Variants in DEUP1 observed in about 807,000 individuals in gnomAD.
DEUP1 encodes the protein deuterosome assembly protein 1.
Under a neutral mutation model 87.4 loss-of-function variants are expected in DEUP1, and 82 were observed. That is an observed-to-expected ratio of 0.94 (90% CI 0.78 to 1.13). DEUP1 has a LOEUF of 1.13. Among genes scored for constraint, DEUP1 ranks in the 50% most tolerant of loss-of-function variants. The pLI, the probability that DEUP1 is intolerant of heterozygous loss-of-function variation, is 0.00. For missense variants in DEUP1, 663 were observed against 681.5 expected, an observed-to-expected ratio of 0.97 and a Z score of 0.30; for synonymous variants, 214 against 222.7, an observed-to-expected ratio of 0.96 and a Z score of 0.35.
chr11:93,430,377 T>G (rs2134501963), intron 13 of DEUP1, among the ~76,000 whole-genome samples: 1 of 152,248 alleles, frequency 6.6e-6, no homozygotes, highest in Non-Finnish European at 1.5e-5. Flanking sequence ...GATATATACA[T>G]ACAATGGAAT....
intron 13 of DEUP1, among the ~76,000 whole-genome samples, chr11:93,434,912 C>A (rs1364308048): frequency 6.6e-6 from 1 of 152,172 alleles, no homozygotes; most frequent in Non-Finnish European, 1.5e-5. Flanking sequence ...CAAGCTGGTG[C>A]CTCAGCTTTG....
intron 13 of DEUP1, among the ~76,000 whole-genome samples, chr11:93,435,578 C>G (rs1316975884): frequency 4.6e-5 from 7 of 152,188 alleles, no homozygotes; most frequent in South Asian, 4.1e-4. Context: ...AGGCATTTTT[C>G]TTTACCAGAG....
At chr11:93,368,275 A>G (rs1945521977) in intron 5 of DEUP1, among the ~76,000 whole-genome samples, 1 of 152,236 alleles carries the variant, frequency 6.6e-6, no homozygotes, top group Admixed American at 6.5e-5. Flanking sequence ...ACTAAATACC[A>G]TAGACTGGGT....
chr11:93,364,019 C>A, intron 4 of DEUP1, 141 bp from the exon 5 acceptor site: 1 of 622,748 alleles, frequency 1.6e-6, no homozygotes, highest in Non-Finnish European at 2.8e-6. Flanking sequence ...GTTCTGTCTT[C>A]ACTAATTGAA....
At chr11:93,402,623 C>T (rs574690653) in intron 11 of DEUP1, among the ~76,000 whole-genome samples, 3 of 151,312 alleles carry the variant, frequency 2.0e-5, no homozygotes, top group African/African-American at 7.3e-5. Context: ...TATCAGTGGA[C>T]GAATGGATTA....
chr11:93,343,274 T>G (rs919140781), intron 2 of DEUP1, among the ~76,000 whole-genome samples: 10 of 152,248 alleles, frequency 6.6e-5, no homozygotes, highest in African/African-American at 2.4e-4. Flanking sequence ...CCAGGTTTAA[T>G]AGAAAAAGGG....
rs1179680084 is a variant in DEUP1, at chr11:93,436,013, A to ATT, written c.1639-1525_1639-1524dup. On this transcript the variant is annotated intron_variant, in intron 13 of 13. Transcript: ENST00000298050. ...TCCGTCTCAAAAAAAAAAAAAAAAA[A>ATT]TTTTTTCTGTGTCACCCAATAAATG... 2.9e-3 allele frequency among the ~76,000 whole-genome samples: 383 copies of ATT among 130,516 alleles called. 2 individuals carry two copies. The highest frequency in any genetic ancestry group is 9.6e-3 in the African/African-American group (354 of 36,946). The allele number at this position is 130,516 out of a possible 152,430, so 85.6% of individuals were successfully genotyped here. A position where few individuals can be genotyped will look rare whatever the true frequency, so the allele number is the denominator to read the frequency against.
At chr11:93,429,597 C>A (rs1031228771) in intron 13 of DEUP1, among the ~76,000 whole-genome samples, 6 of 152,122 alleles carry the variant, frequency 3.9e-5, no homozygotes, top group African/African-American at 1.4e-4. Flanking sequence ...CCTCATCTTG[C>A]CTTTTTTCAT....
intron 2 of DEUP1, among the ~76,000 whole-genome samples, chr11:93,341,382 C>G (rs991387197): frequency 9.2e-5 from 14 of 152,134 alleles, no homozygotes; most frequent in Admixed American, 5.2e-4. Context: ...GTAAGAAGTG[C>G]CTTTTACCTC....
intron 4 of DEUP1, among the ~76,000 whole-genome samples, chr11:93,363,944 A>G (rs1945294416): frequency 6.6e-6 from 1 of 151,970 alleles, no homozygotes; most frequent in Admixed American, 6.6e-5. Context: ...TGTGCAGTTA[A>G]TGAATCTCGA....
chr11:93,352,374 A>T (rs535173761), intron 2 of DEUP1: 38 of 702,544 alleles, frequency 5.4e-5, no homozygotes, highest in Admixed American at 3.8e-4. Context: ...AGCTCCCTGG[A>T]GAATGCTTCA....
At chr11:93,349,365 G>T (rs1311376786) in intron 2 of DEUP1, among the ~76,000 whole-genome samples, 1 of 151,788 alleles carries the variant, frequency 6.6e-6, no homozygotes, top group East Asian at 1.9e-4. Flanking sequence ...GCATAAAAAA[G>T]AAATAAGATT....
intron 2 of DEUP1, chr11:93,352,193 C>T: frequency 1.8e-6 from 1 of 556,242 alleles, no homozygotes; most frequent in Non-Finnish European, 3.2e-6. Context: ...CTGCCTCTCC[C>T]TCCTGTCCTC....
chr11:93,414,421 C>A (rs920937391), intron 12 of DEUP1, among the ~76,000 whole-genome samples: 4 of 152,074 alleles, frequency 2.6e-5, no homozygotes, highest in Non-Finnish European at 5.9e-5. Flanking sequence ...ACAGGAGAGT[C>A]TCTTGAACCT....
intron 10 of DEUP1, 91 bp downstream of exon 10, chr11:93,394,747 A>C (rs1364889408): frequency 3.7e-6 from 3 of 817,528 alleles, no homozygotes; most frequent in Non-Finnish European, 5.5e-6. Context: ...AAAACATTAC[A>C]TTTCTTGGTA....
At chr11:93,347,896 C>T (rs534408503) in intron 2 of DEUP1, among the ~76,000 whole-genome samples, 6 of 152,150 alleles carry the variant, frequency 3.9e-5, no homozygotes, top group South Asian at 2.1e-4. Flanking sequence ...CGTGCCACCA[C>T]GCCTGGCTAA....
intron 13 of DEUP1, among the ~76,000 whole-genome samples, chr11:93,431,095 C>CA (rs10534401): frequency 0.24 from 26,665 of 111,790 alleles, 2,986 homozygotes; most frequent in South Asian, 0.31. Context: ...AACACTGTCT[C>CA]AAAAAAAAAA....
chr11:93,433,345 G>A (rs1053027377), intron 13 of DEUP1, among the ~76,000 whole-genome samples: 7 of 152,156 alleles, frequency 4.6e-5, no homozygotes, highest in South Asian at 2.1e-4. Flanking sequence ...ATGAGGCTCC[G>A]TTTCTATAAA....
At chr11:93,393,105 TGAGACAGGATCCTGC>T (rs1946824738) in intron 9 of DEUP1, among the ~76,000 whole-genome samples, 1 of 144,856 alleles carries the variant, frequency 6.9e-6, no homozygotes, top group Non-Finnish European at 1.5e-5. Flanking sequence ...TTTTTTTTTT[TGAGACAGGATCCTGC>T]TGTGTCATTC....
Sources: gnomAD v4.1 joint callset for allele counts (sites outside exome capture counted in the v4.1 genomes callset) on GRCh38, gnomAD v4.1.1 for gene constraint, MANE v1.5 for transcripts, NCBI Gene and HGNC (gene_info 2026-07-23, HGNC 2026-07-21) for gene names.